Variants in PHLPP1 observed in about 807,000 individuals in gnomAD.
The protein encoded by PHLPP1 is PH domain leucine-rich repeat-containing protein phosphatase 1.
In PHLPP1, 42 loss-of-function variants were observed where a neutral mutation model predicts 117.2. That is an observed-to-expected ratio of 0.36 (90% confidence interval 0.28 to 0.46). The LOEUF is 0.46. Among genes scored for constraint, PHLPP1 ranks in the 20% least tolerant of loss-of-function variants. The pLI is 1.00. For synonymous variants in PHLPP1, 1,042 were observed against 970.7 expected, an observed-to-expected ratio of 1.07 and a Z score of -1.37; for missense variants, 2,084 against 2,241.9, an observed-to-expected ratio of 0.93 and a Z score of 1.42.
At chr18:62,773,554 A>G (rs1441573484) in intron 1 of PHLPP1, among the ~76,000 whole-genome samples, 1 of 152,150 alleles carries the variant, frequency 6.6e-6, no homozygotes, top group East Asian at 1.9e-4. Context: ...AACATGCCAG[A>G]TTTTTAGGGA....
intron 4 of PHLPP1, among the ~76,000 whole-genome samples, chr18:62,870,049 C>T (rs183104272): frequency 1.1e-4 from 17 of 152,236 alleles, no homozygotes; most frequent in African/African-American, 3.1e-4. Context: ...CGCGCCAACA[C>T]GCCTGGCTAA....
intron 1 of PHLPP1, among the ~76,000 whole-genome samples, chr18:62,802,878 T>C (rs1913826817): frequency 6.6e-6 from 1 of 151,992 alleles, no homozygotes; most frequent in South Asian, 2.1e-4. Flanking sequence ...AATAAAAAAT[T>C]AGATTGGAGT....
In PHLPP1 at chr18:62,979,071, C is replaced by G; in HGVS notation, c.4794C>G (p.Ser1598Arg). 1 of 1,613,772 alleles carries G rather than the reference C, an allele frequency of 6.2e-7. No individual in the cohort carries two copies. Among genetic ancestry groups the G allele is most frequent in the East Asian group, 2.2e-5 (1 of 44,872 alleles). The change falls in exon 17 of 17, where the codon AGC becomes AGG. Residue 1598 changes from serine (S) to arginine (R), a missense_variant. By Grantham distance (110) the Ser-to-Arg change is moderately radical. Around this residue, in one of 2 missense-constraint regions of PHLPP1, gnomAD observed 1,365 missense variants for 1,605.9 expected, o/e 0.85. Transcript: ENST00000262719. ...CCAGTGATGAGGGCATTGTCATCAGCGCCAACGAGGATGAGCCAGGTCTGC... is the reference window on the plus strand; with the variant it reads ...CCAGTGATGAGGGCATTGTCATCAGGGCCAACGAGGATGAGCCAGGTCTGC... ...AEASDEGIVISANEDEPGLPR... is the reference protein window; with the variant it reads ...AEASDEGIVIRANEDEPGLPR...
intron 13 of PHLPP1, among the ~76,000 whole-genome samples, chr18:62,961,290 G>A (rs1390439809): frequency 6.6e-6 from 1 of 152,164 alleles, no homozygotes; most frequent in Non-Finnish European, 1.5e-5. Context: ...GCGAAACTCC[G>A]TCTCAAAAAA....
At chr18:62,969,474 T>A (rs1021109354) in intron 14 of PHLPP1, among the ~76,000 whole-genome samples, 32 of 150,276 alleles carry the variant, frequency 2.1e-4, no homozygotes, top group African/African-American at 7.5e-4. Flanking sequence ...TGTGTGCATT[T>A]AAAAAAAAAA....
At chr18:62,782,795 G>A (rs556561129) in intron 1 of PHLPP1, among the ~76,000 whole-genome samples, 2 of 152,220 alleles carry the variant, frequency 1.3e-5, no homozygotes, top group South Asian at 2.1e-4. Context: ...GACTCTTGGC[G>A]GTGTTAAAGA....
chr18:62,757,964 G>C (rs1237309379), intron 1 of PHLPP1, among the ~76,000 whole-genome samples: 1 of 152,162 alleles, frequency 6.6e-6, no homozygotes, highest in Non-Finnish European at 1.5e-5. Flanking sequence ...TGTTCAATTA[G>C]TTTTCAGCTG....
At chr18:62,783,223 T>C (rs532076792) in intron 1 of PHLPP1, among the ~76,000 whole-genome samples, 1 of 148,354 alleles carries the variant, frequency 6.7e-6, no homozygotes, top group Admixed American at 6.7e-5. Flanking sequence ...CCTTTCTTTT[T>C]TTTTTCTTTT....
At chr18:62,762,024 A>G (rs1912261156) in intron 1 of PHLPP1, among the ~76,000 whole-genome samples, 1 of 152,236 alleles carries the variant, frequency 6.6e-6, no homozygotes, top group Admixed American at 6.5e-5. Context: ...TTTACTTAGT[A>G]TGTGAAACCT....
chr18:62,801,759 GT>G (rs1913792788), intron 1 of PHLPP1, among the ~76,000 whole-genome samples: 1 of 152,108 alleles, frequency 6.6e-6, no homozygotes, highest in African/African-American at 2.4e-5. Context: ...GCCTCTGTTT[GT>G]TTTTATGTCC....
rs977509610 is a variant in PHLPP1 at position 62,842,261 on chromosome 18, C to A, written c.1899+3352C>A. Among the ~76,000 whole-genome samples, 6 of 152,114 alleles carry A rather than the reference C, an allele frequency of 3.9e-5. No individual in the cohort carries two copies. The East Asian group carries it at 5.8e-4, about 15-fold the overall frequency. On this transcript the variant is annotated intron_variant, in intron 3 of 16. Coordinates refer to ENST00000262719, the MANE Select transcript of PHLPP1 (RefSeq NM_194449.4). ...ACAAGTTACCTTTTGCTGCTCTTAA[C>A]AACCATGGCAGCCTTTTGGGGAAAG...
chr18:62,760,209 G>T (rs554285638), intron 1 of PHLPP1, among the ~76,000 whole-genome samples: 2 of 152,264 alleles, frequency 1.3e-5, no homozygotes, highest in South Asian at 4.1e-4. Flanking sequence ...TTGAAAAGAA[G>T]CACAAAATCT....
intron 1 of PHLPP1, among the ~76,000 whole-genome samples, chr18:62,760,660 C>G (rs1912193526): frequency 6.6e-6 from 1 of 152,160 alleles, no homozygotes; most frequent in Admixed American, 6.5e-5. Context: ...CTTTAGTTTT[C>G]TTCCTCCACG....
At chr18:62,938,994 CTTT>C (rs1555683300) in intron 10 of PHLPP1, among the ~76,000 whole-genome samples, 1 of 128,678 alleles carries the variant, frequency 7.8e-6, no homozygotes, top group Non-Finnish European at 1.6e-5. Flanking sequence ...TTCTTTCTTT[CTTT>C]TTTTTTTTTT....
intron 1 of PHLPP1, among the ~76,000 whole-genome samples, chr18:62,795,579 A>G (rs935034987): frequency 9.2e-5 from 14 of 151,944 alleles, no homozygotes; most frequent in Non-Finnish European, 1.8e-4. Context: ...CATAAGCTGG[A>G]CTTGGTCACT....
chr18:62,813,170 T>C (rs1914172698), intron 1 of PHLPP1, among the ~76,000 whole-genome samples: 1 of 152,204 alleles, frequency 6.6e-6, no homozygotes, highest in Admixed American at 6.5e-5. Context: ...TATATATTGC[T>C]CCTGGAACTG....
At chr18:62,788,803 T>C (rs1913375006) in intron 1 of PHLPP1, among the ~76,000 whole-genome samples, 1 of 152,166 alleles carries the variant, frequency 6.6e-6, no homozygotes, top group Non-Finnish European at 1.5e-5. Context: ...AATGCCTTTT[T>C]CCCCCTTTTT....
intron 3 of PHLPP1, among the ~76,000 whole-genome samples, chr18:62,851,110 A>C (rs552427853): frequency 6.6e-6 from 1 of 152,252 alleles, no homozygotes; most frequent in East Asian, 1.9e-4. Context: ...GCAAATAACA[A>C]ATGTTTATTG....
Position 62,838,816 on chromosome 18 carries a change from A to G in PHLPP1, c.1806A>G (p.Leu602=). 1 of 1,613,818 alleles carries G rather than the reference A, an allele frequency of 6.2e-7. No individual in the cohort carries two copies. Residue 602 remains leucine, a synonymous_variant, in exon 3 of 17, where the codon TTA becomes TTG. Coordinates refer to ENST00000262719, the MANE Select transcript of PHLPP1 (RefSeq NM_194449.4). The part of the protein sequence containing the change: ...VEEVKKHQHC[L]AFSSSGPQSQ... ...AAGTGAAAAAGCACCAACACTGTTT[A>G]GCATTTAGCTCCTCTGGACCCCAAA...
Sources: gnomAD v4.1 joint callset for allele counts (sites outside exome capture counted in the v4.1 genomes callset) on GRCh38, gnomAD v4.1.1 for gene constraint, gnomAD v4.1.1 regional missense constraint, MANE v1.5 for transcripts, NCBI Gene and HGNC (gene_info 2026-07-23, HGNC 2026-07-21) for gene names.